Variants in NRXN3 observed in about 807,000 individuals in gnomAD.
NRXN3 encodes neurexin 3, also known as neurexin III.
A neutral mutation model predicts 137.6 loss-of-function variants in NRXN3; 32 were observed. That is an observed-to-expected ratio of 0.23 (90% CI 0.18 to 0.31). The LOEUF (loss-of-function observed/expected upper bound fraction) is 0.31, where lower values mean the gene tolerates loss of function less well. NRXN3 is among the 10% of genes least tolerant of loss of function. The pLI is 1.00. For synonymous variants in NRXN3, 798 were observed against 784.5 expected, an observed-to-expected ratio of 1.02 and a Z score of -0.29; for missense variants, 1,574 against 2,062.5, an observed-to-expected ratio of 0.76 and a Z score of 4.59.
chr14:79,417,954 G>A (rs1350249710), intron 15 of NRXN3, among the ~76,000 whole-genome samples: 1 of 135,232 alleles, frequency 7.4e-6, no homozygotes, highest in East Asian at 2.0e-4. Context: ...GAAGCGTAGA[G>A]AATATATGGA....
At chr14:79,171,051 C>T (rs2061728944) in intron 15 of NRXN3, among the ~76,000 whole-genome samples, 1 of 152,026 alleles carries the variant, frequency 6.6e-6, no homozygotes, top group Non-Finnish European at 1.5e-5. Context: ...AGACTCCTCA[C>T]TTAGGGCCCA....
intron 1 of NRXN3, among the ~76,000 whole-genome samples, chr14:78,208,272 G>T (rs1379161190): frequency 1.3e-5 from 2 of 152,072 alleles, no homozygotes; most frequent in African/African-American, 4.8e-5. Flanking sequence ...TCCTTAGCTT[G>T]ACCTAGAGGC....
chr14:78,602,764 C>T (rs2152440230), intron 4 of NRXN3, among the ~76,000 whole-genome samples: 1 of 152,332 alleles, frequency 6.6e-6, no homozygotes, highest in East Asian at 1.9e-4. Context: ...CTTTCTAAAC[C>T]AGCCTTGTGT....
chr14:78,255,169 G>GAAAAA (rs35233538), intron 2 of NRXN3, among the ~76,000 whole-genome samples: 1 of 86,122 alleles, frequency 1.2e-5, no homozygotes, highest in Non-Finnish European at 2.3e-5. Flanking sequence ...CACAGCAGCA[G>GAAAAA]AAAAAAAAAA....
chr14:79,288,595 T>C (rs1198753025), intron 15 of NRXN3, among the ~76,000 whole-genome samples: 1 of 152,204 alleles, frequency 6.6e-6, no homozygotes, highest in Non-Finnish European at 1.5e-5. Context: ...TAACATGGTG[T>C]TAAAGCCAGG....
At chr14:79,421,934 A>G (rs1252541315) in intron 15 of NRXN3, among the ~76,000 whole-genome samples, 5 of 152,226 alleles carry the variant, frequency 3.3e-5, no homozygotes, top group Non-Finnish European at 5.9e-5. Flanking sequence ...TTACACTAGT[A>G]ACAAGTTTCC....
intron 15 of NRXN3, among the ~76,000 whole-genome samples, chr14:79,226,884 C>T (rs1293905530): frequency 1.4e-5 from 2 of 140,476 alleles, no homozygotes; most frequent in Non-Finnish European, 3.0e-5. Flanking sequence ...GACATGATCT[C>T]GGCTCACTGC....
chr14:79,432,263 A>G (rs572792711), intron 15 of NRXN3, among the ~76,000 whole-genome samples: 1 of 152,256 alleles, frequency 6.6e-6, no homozygotes, highest in South Asian at 2.1e-4. Flanking sequence ...TTCTTTGGTT[A>G]AAATAATCTT....
chr14:78,515,049 G>A (rs916058737), intron 4 of NRXN3, among the ~76,000 whole-genome samples: 1 of 152,152 alleles, frequency 6.6e-6, no homozygotes, highest in Non-Finnish European at 1.5e-5. Flanking sequence ...CTGAGATGAG[G>A]TCTAAGCCAC....
At chr14:78,877,641 C>G (rs768359557) in intron 10 of NRXN3, among the ~76,000 whole-genome samples, 44 of 152,156 alleles carry the variant, frequency 2.9e-4, no homozygotes, top group Non-Finnish European at 4.9e-4. Context: ...AATGAATAGA[C>G]AGGCTTTTAT....
intron 1 of NRXN3, among the ~76,000 whole-genome samples, chr14:78,219,714 A>T (rs1160524958): frequency 6.6e-6 from 1 of 152,062 alleles, no homozygotes; most frequent in Non-Finnish European, 1.5e-5. Flanking sequence ...AGGAGCTTGG[A>T]CTCTTTCCTA....
At chr14:78,215,945 G>A (rs2063229384) in intron 1 of NRXN3, among the ~76,000 whole-genome samples, 2 of 152,202 alleles carry the variant, frequency 1.3e-5, no homozygotes, top group African/African-American at 4.8e-5. Flanking sequence ...CCTCAGCAGT[G>A]ATTGATAAAC....
chr14:78,822,702 AAAAC>A (rs939804506), intron 10 of NRXN3, among the ~76,000 whole-genome samples: 4 of 136,788 alleles, frequency 2.9e-5, no homozygotes, highest in Non-Finnish European at 5.9e-5. Flanking sequence ...ACCAACAACA[AAAAC>A]AAACAAAAAA....
rs144168880 is a variant in NRXN3, at chr14:78,563,432, T to C, written c.758-81688T>C. ...GAATTGCAGTAGGTCTGATGGTTGG[T>C]TGGCAAGTTGTCCTTATTCTGGTGT... is the stretch of plus-strand genomic sequence containing the variant. On this transcript the variant is annotated intron_variant, in intron 4 of 20. Transcript: ENST00000335750. Among the ~76,000 whole-genome samples the C allele has an allele frequency of 5.7e-3, 861 of 152,302 alleles. 6 individuals are homozygous for C. Among genetic ancestry groups the C allele is most frequent in the African/African-American group, 0.02 (824 of 41,556 alleles).
chr14:78,448,279 G>A (rs570538205), intron 4 of NRXN3, among the ~76,000 whole-genome samples: 13 of 152,288 alleles, frequency 8.5e-5, no homozygotes, highest in South Asian at 8.3e-4. Flanking sequence ...GTAGCACAGA[G>A]CAATTGCCCA....
At chr14:79,251,353 A>T (rs897576393) in intron 15 of NRXN3, among the ~76,000 whole-genome samples, 1 of 152,174 alleles carries the variant, frequency 6.6e-6, no homozygotes, top group African/African-American at 2.4e-5. Flanking sequence ...GATGCTGTGG[A>T]GATAGTCATT....
At chr14:79,344,507 C>A (rs2092771322) in intron 15 of NRXN3, among the ~76,000 whole-genome samples, 1 of 152,164 alleles carries the variant, frequency 6.6e-6, no homozygotes, top group South Asian at 2.1e-4. Flanking sequence ...AAATGGTTTA[C>A]ATGAAAGAAC....
In NRXN3 at chr14:79,066,895, A is replaced by C. The variant is rs1439262111; in HGVS notation, c.3262+78754A>C. On this transcript the variant is annotated intron_variant, in intron 15 of 20. Coordinates refer to ENST00000335750, the MANE Select transcript of NRXN3 (RefSeq NM_001330195.2). ...GCCGATGGGGTTTTCTGGGTGTAGG[A>C]TCAATGTCATCTGCAAACAAAGATA... Among the ~76,000 whole-genome samples, 10 of 152,252 alleles carry C rather than the reference A, an allele frequency of 6.6e-5. No individual in the cohort carries two copies. The East Asian group carries it at 1.7e-3, about 26-fold the overall frequency.
At chr14:79,065,504 A>T (rs2099679701) in intron 15 of NRXN3, among the ~76,000 whole-genome samples, 1 of 152,152 alleles carries the variant, frequency 6.6e-6, no homozygotes, top group Admixed American at 6.6e-5. Flanking sequence ...CAGGGATATT[A>T]TAAGTGAAGG....
Sources: gnomAD v4.1 joint callset for allele counts (sites outside exome capture counted in the v4.1 genomes callset) on GRCh38, gnomAD v4.1.1 for gene constraint, MANE v1.5 for transcripts, NCBI Gene and HGNC (gene_info 2026-07-23, HGNC 2026-07-21) for gene names.